The following TMEM131 variants were observed in gnomAD, a reference collection of about 807,000 sequenced individuals.
TMEM131 encodes 2610524E03Rik.
TMEM131 carries 66 observed loss-of-function variants against 211.6 expected under a neutral mutation model. That is an observed-to-expected ratio of 0.31 (90% confidence interval 0.26 to 0.38). The LOEUF (loss-of-function observed/expected upper bound fraction) is 0.38. Among genes scored for constraint, TMEM131 ranks in the 10% least tolerant of loss-of-function variants. The probability of loss-of-function intolerance (pLI) is 1.00; values close to 1 mark genes in which losing one functional copy is unlikely to be tolerated. For missense variants in TMEM131, 2,036 were observed against 2,299.3 expected, an observed-to-expected ratio of 0.89 and a Z score of 2.34; for synonymous variants, 844 against 841.3, an observed-to-expected ratio of 1.00 and a Z score of -0.06.
chr2:97,797,214 G>T, intron 26 of TMEM131, 151 bp downstream of exon 26: 1 of 859,108 alleles, frequency 1.2e-6, no homozygotes, highest in Non-Finnish European at 1.8e-6. Flanking sequence ...GATAACAAAG[G>T]TATGTTTCAT....
intron 9 of TMEM131, 23 bp from the exon 10 acceptor site, chr2:97,834,700 A>T (rs761767786): frequency 6.3e-7 from 1 of 1,596,898 alleles, no homozygotes; most frequent in Non-Finnish European, 8.5e-7. Context: ...AAAAGTCAAC[A>T]ATTATTTTTC....
intron 1 of TMEM131, among the ~76,000 whole-genome samples, chr2:97,965,306 C>T (rs564472678): frequency 5.9e-5 from 9 of 152,316 alleles, no homozygotes; most frequent in Non-Finnish European, 1.3e-4. Flanking sequence ...TCGCTTCGTA[C>T]CCCTCCCATC....
chr2:97,814,197 A>G (rs1231599984), intron 14 of TMEM131, 38 bp downstream of exon 14: 2 of 1,610,968 alleles, frequency 1.2e-6, no homozygotes, highest in Non-Finnish European at 8.5e-7. Flanking sequence ...TAGTTGGTAG[A>G]CCAGGAAAAT....
At chr2:97,949,817 C>CAAA (rs386390704) in intron 1 of TMEM131, among the ~76,000 whole-genome samples, 17,868 of 66,352 alleles carry the variant, frequency 0.27, 3,088 homozygotes, top group African/African-American at 0.3. Context: ...GAGACTGTCT[C>CAAA]AAAAAAAAAA....
intron 1 of TMEM131, among the ~76,000 whole-genome samples, chr2:97,932,253 A>G (rs557204996): frequency 6.6e-6 from 1 of 152,308 alleles, no homozygotes; most frequent in South Asian, 2.1e-4. Flanking sequence ...AAAGGGCTCA[A>G]TAGCAATTTT....
chr2:97,769,615 G>A (rs375144567), intron 33 of TMEM131, among the ~76,000 whole-genome samples: 3 of 152,254 alleles, frequency 2.0e-5, no homozygotes, highest in South Asian at 2.1e-4. Flanking sequence ...CAGATAATAT[G>A]ATTAATCTAC....
chr2:97,954,466 T>C (rs1475420749), intron 1 of TMEM131, among the ~76,000 whole-genome samples: 4 of 152,134 alleles, frequency 2.6e-5, no homozygotes, highest in African/African-American at 9.7e-5. Flanking sequence ...ATGAAGGAAA[T>C]GGCCTGCATA....
intron 4 of TMEM131, among the ~76,000 whole-genome samples, chr2:97,871,831 C>A (rs1674500138): frequency 6.6e-6 from 1 of 152,084 alleles, no homozygotes; most frequent in Non-Finnish European, 1.5e-5. Flanking sequence ...ACCATGGTCT[C>A]AGTGAACTGG....
At chr2:97,758,584 G>T (rs1678639029) in intron 40 of TMEM131, among the ~76,000 whole-genome samples, 1 of 152,188 alleles carries the variant, frequency 6.6e-6, no homozygotes, top group Non-Finnish European at 1.5e-5. Flanking sequence ...CACCCTTGTG[G>T]TCCATTTACA....
At chr2:97,961,240 T>C (rs1304864167) in intron 1 of TMEM131, among the ~76,000 whole-genome samples, 1 of 151,366 alleles carries the variant, frequency 6.6e-6, no homozygotes, top group Non-Finnish European at 1.5e-5. Flanking sequence ...AATTGAAAAA[T>C]AAAATAAAAT....
intron 18 of TMEM131, 81 bp downstream of exon 18, chr2:97,811,047 A>C: frequency 9.9e-7 from 1 of 1,006,992 alleles, no homozygotes. Context: ...AGTAAACTTA[A>C]TTCTTTGGTT....
chr2:97,864,119 C>T (rs988412833), intron 4 of TMEM131, among the ~76,000 whole-genome samples: 3 of 152,066 alleles, frequency 2.0e-5, no homozygotes, highest in African/African-American at 7.2e-5. Context: ...TAAAATAAGC[C>T]AGACCCAGAA....
chr2:97,987,616 A>G (rs1407561062), intron 1 of TMEM131, among the ~76,000 whole-genome samples: 2 of 152,216 alleles, frequency 1.3e-5, no homozygotes, highest in Non-Finnish European at 1.5e-5. Context: ...AGTACGCAGC[A>G]TTTTTTCTTG....
intron 31 of TMEM131, among the ~76,000 whole-genome samples, chr2:97,789,104 T>A (rs1343614262): frequency 6.6e-6 from 1 of 152,172 alleles, no homozygotes. Context: ...CAGTCAGAGG[T>A]GATGGCGCTT....
chr2:97,818,784 A>G, intron 11 of TMEM131, 63 bp from the exon 12 acceptor site: 1 of 1,086,780 alleles, frequency 9.2e-7, no homozygotes, highest in Non-Finnish European at 1.4e-6. Context: ...GTTGCCTTAT[A>G]CTTATACTGG....
At chr2:97,878,974 T>C (rs539581580) in intron 4 of TMEM131, among the ~76,000 whole-genome samples, 21 of 152,312 alleles carry the variant, frequency 1.4e-4, no homozygotes, top group African/African-American at 4.8e-4. Context: ...GTGAGTACAA[T>C]AAACTTTTTC....
rs1681814746 is a variant in TMEM131 at position 97,816,082 on chromosome 2, G to A, written c.1184-775C>T. Among the ~76,000 whole-genome samples the A allele has an allele frequency of 4.6e-5, 7 of 152,140 alleles. No homozygotes were observed. In the South Asian group the frequency reaches 1.0e-3, roughly 23 times the overall value. ...CTGGCTGGGTGCAGTGCCTCACATC[G>A]GTAATCCCAGCACTTTGCCAGGCTG... On this transcript the variant is annotated intron_variant, in intron 12 of 40. Coordinates refer to ENST00000186436, the MANE Select transcript of TMEM131 (RefSeq NM_015348.2).
intron 35 of TMEM131, chr2:97,765,278 A>G (rs1679105462): frequency 6.6e-6 from 1 of 152,222 alleles, no homozygotes; most frequent in Non-Finnish European, 1.5e-5. Context: ...TTCCGGCGAG[A>G]GCGTGGACGC....
intron 3 of TMEM131, 93 bp downstream of exon 3, chr2:97,908,565 A>T: frequency 1.1e-6 from 1 of 917,192 alleles, no homozygotes; most frequent in Non-Finnish European, 1.7e-6. Flanking sequence ...TTCCTTCTTC[A>T]CCAAAATGAG....
Sources: allele counts gnomAD v4.1 joint callset (sites outside exome capture counted in the v4.1 genomes callset), GRCh38; gene constraint gnomAD v4.1.1; transcripts MANE v1.5; gene names NCBI Gene and HGNC (gene_info 2026-07-23, HGNC 2026-07-21).